Variants in CWC27 observed in about 807,000 individuals in gnomAD.
The protein encoded by CWC27 is CWC27 spliceosome associated cyclophilin, also known as spliceosome-associated protein CWC27 homolog.
In CWC27, 47 loss-of-function variants were observed where a neutral mutation model predicts 63.6. The observed-to-expected ratio is 0.74, with a 90% CI of 0.58 to 0.94. The LOEUF (loss-of-function observed/expected upper bound fraction) is 0.94. Among genes scored for constraint, CWC27 ranks in the 40% least tolerant of loss-of-function variants. The probability of loss-of-function intolerance (pLI) is 0.00; values close to 1 mark genes in which losing one functional copy is unlikely to be tolerated. For synonymous variants in CWC27, 175 were observed against 179.8 expected (o/e 0.97, Z 0.22); for missense variants, 495 against 554.3 (o/e 0.89, Z 1.07).
At chr5:64,794,065 G>T (rs540637323) in intron 7 of CWC27, among the ~76,000 whole-genome samples, 1 of 152,178 alleles carries the variant, frequency 6.6e-6, no homozygotes, top group African/African-American at 2.4e-5. Flanking sequence ...ATAGCTCAAA[G>T]GGATTTTGTC....
At chr5:64,986,761 A>T (rs1749441708) in intron 13 of CWC27, among the ~76,000 whole-genome samples, 1 of 152,070 alleles carries the variant, frequency 6.6e-6, no homozygotes, top group African/African-American at 2.4e-5. Flanking sequence ...GTTCATTAAA[A>T]TTACCACTTA....
chr5:64,937,531 A>T (rs1345702735), intron 11 of CWC27, among the ~76,000 whole-genome samples: 5 of 152,156 alleles, frequency 3.3e-5, no homozygotes, highest in African/African-American at 1.2e-4. Context: ...TAAATTTTAG[A>T]ATAAGTGTGA....
intron 10 of CWC27, chr5:64,804,725 A>T (rs1219475254): frequency 5.9e-6 from 1 of 170,818 alleles, no homozygotes; most frequent in East Asian, 1.5e-4. Context: ...GAGTAATTGT[A>T]TAGAAAGAAA....
intron 11 of CWC27, among the ~76,000 whole-genome samples, chr5:64,915,077 G>A (rs1192634531): frequency 6.6e-6 from 1 of 152,126 alleles, no homozygotes; most frequent in Non-Finnish European, 1.5e-5. Flanking sequence ...TTTTGGGTTT[G>A]GGTTTTGTGT....
chr5:64,846,843 A>G (rs913926036), intron 10 of CWC27, among the ~76,000 whole-genome samples: 7 of 151,976 alleles, frequency 4.6e-5, no homozygotes, highest in Non-Finnish European at 8.8e-5. Context: ...AAAATACAAA[A>G]ATTAGCTGAG....
chr5:64,826,529 C>G (rs1745364851), intron 10 of CWC27, among the ~76,000 whole-genome samples: 2 of 152,218 alleles, frequency 1.3e-5, no homozygotes, highest in African/African-American at 2.4e-5. Context: ...TTTAGACTTG[C>G]ATGTTAATGT....
intron 11 of CWC27, among the ~76,000 whole-genome samples, chr5:64,969,744 C>A (rs542721602): frequency 6.6e-6 from 1 of 151,648 alleles, no homozygotes; most frequent in African/African-American, 2.4e-5. Context: ...AGGAAATCGC[C>A]ATAAAGTGTG....
intron 11 of CWC27, among the ~76,000 whole-genome samples, chr5:64,941,961 T>C (rs1748491237): frequency 1.3e-5 from 2 of 151,990 alleles, no homozygotes; most frequent in African/African-American, 2.4e-5. Flanking sequence ...TCACCAATTA[T>C]AGACTTCTTG....
intron 7 of CWC27, among the ~76,000 whole-genome samples, chr5:64,791,681 A>G (rs907095010): frequency 2.0e-5 from 3 of 152,106 alleles, no homozygotes; most frequent in Admixed American, 6.6e-5. Context: ...TCTCACGTCT[A>G]TATCTCTAGG....
rs1161493139 is a variant in CWC27 at position 64,987,367 on chromosome 5, T to C, written c.1256+10129T>C. ...TTACATGTATGTAGGTCCTTTTACCTCTTCCCTTTGTATTCTAGCCAATTT... is the reference window on the plus strand; with the variant it reads ...TTACATGTATGTAGGTCCTTTTACCCCTTCCCTTTGTATTCTAGCCAATTT... On this transcript the variant is annotated intron_variant, in intron 13 of 13. Coordinates refer to ENST00000381070, the MANE Select transcript of CWC27 (RefSeq NM_005869.4). 3.9e-5 allele frequency among the ~76,000 whole-genome samples: 6 copies of C among 152,342 alleles called. 1 individual carries two copies. Among genetic ancestry groups the C allele is most frequent in the African/African-American group, 1.2e-4 (5 of 41,592 alleles).
chr5:64,993,779 A>G (rs1262098818), intron 13 of CWC27, among the ~76,000 whole-genome samples: 2 of 152,208 alleles, frequency 1.3e-5, no homozygotes, highest in Non-Finnish European at 2.9e-5. Flanking sequence ...TGGGATTAGC[A>G]TAATGTAGTT....
chr5:64,933,919 A>T (rs1748291713), intron 11 of CWC27, among the ~76,000 whole-genome samples: 1 of 152,232 alleles, frequency 6.6e-6, no homozygotes, highest in African/African-American at 2.4e-5. Flanking sequence ...TGACACTGTT[A>T]AGTAATTTAC....
intron 13 of CWC27, among the ~76,000 whole-genome samples, chr5:65,007,737 C>T (rs1415631949): frequency 2.0e-5 from 3 of 151,774 alleles, no homozygotes; most frequent in Non-Finnish European, 4.4e-5. Flanking sequence ...ACGCCATTCT[C>T]CTGCCTCAGC....
At chr5:64,887,825 G>A (rs1747113791) in intron 11 of CWC27, among the ~76,000 whole-genome samples, 1 of 151,956 alleles carries the variant, frequency 6.6e-6, no homozygotes, top group Non-Finnish European at 1.5e-5. Flanking sequence ...AGCAATACTT[G>A]CCAATTTTAA....
intron 11 of CWC27, among the ~76,000 whole-genome samples, chr5:64,940,029 C>CCGGTAAAT (rs918554202): frequency 6.6e-6 from 1 of 152,236 alleles, no homozygotes; most frequent in African/African-American, 2.4e-5. Context: ...GAATTTCAAG[C>CCGGTAAAT]CGGTAAATCG....
At chr5:65,003,827 G>T (rs1317030662) in intron 13 of CWC27, among the ~76,000 whole-genome samples, 1 of 148,902 alleles carries the variant, frequency 6.7e-6, no homozygotes, top group African/African-American at 2.5e-5. Flanking sequence ...TGTTTATAAA[G>T]TTCTCTATTT....
intron 11 of CWC27, among the ~76,000 whole-genome samples, chr5:64,944,611 C>T (rs752883042): frequency 6.6e-6 from 1 of 152,174 alleles, no homozygotes; most frequent in Non-Finnish European, 1.5e-5. Context: ...CTGAAATCAT[C>T]CCTGTCTCAG....
intron 13 of CWC27, among the ~76,000 whole-genome samples, chr5:65,013,177 C>A (rs1749991705): frequency 6.6e-6 from 1 of 152,192 alleles, no homozygotes; most frequent in Admixed American, 6.5e-5. Flanking sequence ...AACTAGCAAT[C>A]ACTAGTATGA....
intron 10 of CWC27, among the ~76,000 whole-genome samples, chr5:64,848,197 G>A (rs1225402556): frequency 6.6e-6 from 1 of 152,006 alleles, no homozygotes; most frequent in Non-Finnish European, 1.5e-5. Context: ...TGATACCATG[G>A]AAATACCAAA....
Sources: gnomAD v4.1 joint callset for allele counts (sites outside exome capture counted in the v4.1 genomes callset) on GRCh38, gnomAD v4.1.1 for gene constraint, MANE v1.5 for transcripts, NCBI Gene and HGNC (gene_info 2026-07-23, HGNC 2026-07-21) for gene names.